GRIA1: variants seen among roughly 807,000 people sequenced by gnomAD.
The protein encoded by GRIA1 is glutamate receptor 1.
Under a neutral mutation model 99.2 loss-of-function variants are expected in GRIA1, and 31 were observed. The observed-to-expected ratio is 0.31, with a 90% confidence interval of 0.23 to 0.42. The LOEUF (loss-of-function observed/expected upper bound fraction) is 0.42. Ranked by LOEUF, GRIA1 falls within the 10% of genes least tolerant of loss-of-function variation. The pLI is 1.00. For missense variants in GRIA1, 782 were observed against 1,157.5 expected (o/e 0.68, Z 4.71); for synonymous variants, 438 against 432.4 (o/e 1.01, Z -0.16).
rs1760369455 is a variant in GRIA1 at position 153,724,695 on chromosome 5, G to T, written c.1823+18628G>T. On this transcript the variant is annotated intron_variant, in intron 11 of 15. Transcript: ENST00000285900. ...AATGAAGCGAGAAGGGAAGTTTAGA[G>T]AAAAAAGAATAAAAAGAAATGAACA... Among the ~76,000 whole-genome samples the T allele has an allele frequency of 3.9e-5, 6 of 152,212 alleles. No individual in the cohort carries two copies. In the South Asian group the frequency reaches 1.2e-3, roughly 32 times the overall value.
At chr5:153,727,695 C>T (rs1760669550) in intron 11 of GRIA1, among the ~76,000 whole-genome samples, 1 of 152,246 alleles carries the variant, frequency 6.6e-6, no homozygotes, top group South Asian at 2.1e-4. Flanking sequence ...TGAAGGACCT[C>T]TTCAAGAACT....
At chr5:153,809,617 A>T (rs1400647340) in intron 15 of GRIA1, among the ~76,000 whole-genome samples, 1 of 152,214 alleles carries the variant, frequency 6.6e-6, no homozygotes, top group Non-Finnish European at 1.5e-5. Context: ...TTTGAGATGG[A>T]TCCTAGGTGG....
chr5:153,673,032 A>G (rs188834472), intron 5 of GRIA1, among the ~76,000 whole-genome samples: 2 of 152,302 alleles, frequency 1.3e-5, no homozygotes, highest in Admixed American at 1.3e-4. Flanking sequence ...AAAGAAACCC[A>G]AGTTAACACA....
intron 2 of GRIA1, among the ~76,000 whole-genome samples, chr5:153,604,781 C>G (rs913355210): frequency 6.6e-6 from 1 of 152,098 alleles, no homozygotes; most frequent in African/African-American, 2.4e-5. Context: ...TAAAACCATC[C>G]ATAAGGAAGA....
chr5:153,723,391 G>T (rs7712550), intron 11 of GRIA1, among the ~76,000 whole-genome samples: 1 of 151,644 alleles, frequency 6.6e-6, no homozygotes, highest in Non-Finnish European at 1.5e-5. Flanking sequence ...GACAGTGGGC[G>T]CAGGACAGTG....
intron 11 of GRIA1, among the ~76,000 whole-genome samples, chr5:153,739,742 C>T (rs1761647515): frequency 6.6e-6 from 1 of 152,206 alleles, no homozygotes; most frequent in African/African-American, 2.4e-5. Flanking sequence ...GCTTTCCTTT[C>T]TCACTTAAAC....
At chr5:153,740,022 C>T (rs1761667588) in intron 11 of GRIA1, among the ~76,000 whole-genome samples, 1 of 152,178 alleles carries the variant, frequency 6.6e-6, no homozygotes, top group Non-Finnish European at 1.5e-5. Context: ...TGCTAATGTT[C>T]TCTATAATAA....
At chr5:153,729,329 A>G (rs191989310) in intron 11 of GRIA1, among the ~76,000 whole-genome samples, 8,357 of 152,100 alleles carry the variant, frequency 0.055, 291 homozygotes, top group Non-Finnish European at 0.075. Context: ...GCACATGTAT[A>G]CATATGTAAC....
chr5:153,677,340 A>T (rs1046210055), intron 7 of GRIA1, among the ~76,000 whole-genome samples, 179 bp downstream of exon 7: 3 of 152,044 alleles, frequency 2.0e-5, no homozygotes, highest in Non-Finnish European at 4.4e-5. Context: ...TAAAAAAAAA[A>T]TGATATGGAA....
chr5:153,581,711 C>T (rs185810090), intron 2 of GRIA1, among the ~76,000 whole-genome samples: 2 of 151,508 alleles, frequency 1.3e-5, no homozygotes, highest in East Asian at 3.9e-4. Flanking sequence ...GATTTGTTTA[C>T]CTATTAATTC....
chr5:153,673,778 T>G (rs1014953384), intron 5 of GRIA1, among the ~76,000 whole-genome samples: 2 of 152,252 alleles, frequency 1.3e-5, no homozygotes, highest in African/African-American at 4.8e-5. Flanking sequence ...GATTTCCTTT[T>G]ACAGTCGAAG....
At chr5:153,497,356 A>G (rs1239739410) in intron 2 of GRIA1, among the ~76,000 whole-genome samples, 1 of 152,206 alleles carries the variant, frequency 6.6e-6, no homozygotes, top group Non-Finnish European at 1.5e-5. Flanking sequence ...GATTGAGATT[A>G]TTACTATTAG....
At chr5:153,783,116 C>A (rs1764744787) in intron 13 of GRIA1, among the ~76,000 whole-genome samples, 1 of 152,100 alleles carries the variant, frequency 6.6e-6, no homozygotes, top group Non-Finnish European at 1.5e-5. Context: ...GCATTGTGAC[C>A]CTGTGTATTT....
At chr5:153,560,386 G>T (rs527980808) in intron 2 of GRIA1, among the ~76,000 whole-genome samples, 1 of 152,252 alleles carries the variant, frequency 6.6e-6, no homozygotes, top group Non-Finnish European at 1.5e-5. Flanking sequence ...CTTTTGGAAG[G>T]TACCATGGAG....
chr5:153,793,164 AAAAC>A (rs1765412521), intron 13 of GRIA1, among the ~76,000 whole-genome samples: 3 of 152,348 alleles, frequency 2.0e-5, no homozygotes, highest in South Asian at 2.1e-4. Context: ...AGCTCTTTTA[AAAAC>A]AAACAAATAA....
intron 10 of GRIA1, among the ~76,000 whole-genome samples, chr5:153,699,774 C>T (rs1402572885): frequency 6.6e-6 from 1 of 152,078 alleles, no homozygotes; most frequent in Non-Finnish European, 1.5e-5. Context: ...GCTCACCACA[C>T]TTGAAATAAC....
At chr5:153,719,058 C>T (rs1040584772) in intron 11 of GRIA1, among the ~76,000 whole-genome samples, 4 of 152,114 alleles carry the variant, frequency 2.6e-5, no homozygotes, top group Non-Finnish European at 5.9e-5. Flanking sequence ...TCCTGAGCAC[C>T]TGGTTTTGTT....
At chr5:153,514,419 T>A (rs1231399876) in intron 2 of GRIA1, among the ~76,000 whole-genome samples, 3 of 152,244 alleles carry the variant, frequency 2.0e-5, no homozygotes, top group Non-Finnish European at 2.9e-5. Context: ...AATAGCCAGC[T>A]TTTCCGGCAC....
At chr5:153,776,332 G>A (rs1484020190) in intron 13 of GRIA1, among the ~76,000 whole-genome samples, 2 of 152,144 alleles carry the variant, frequency 1.3e-5, no homozygotes, top group East Asian at 1.9e-4. Flanking sequence ...GCTTTCTGGG[G>A]CTTTTGTGCC....
Sources: gnomAD v4.1 joint callset for allele counts (sites outside exome capture counted in the v4.1 genomes callset) on GRCh38, gnomAD v4.1.1 for gene constraint, MANE v1.5 for transcripts, NCBI Gene and HGNC (gene_info 2026-07-23, HGNC 2026-07-21) for gene names.